POC1A: variants seen among roughly 807,000 people sequenced by gnomAD.
The protein encoded by POC1A is POC1 centriolar protein homolog A.
In POC1A, 34 loss-of-function variants were observed where a neutral mutation model predicts 47.8. That is an observed-to-expected ratio of 0.71 (90% CI 0.54 to 0.95). The LOEUF (loss-of-function observed/expected upper bound fraction) is 0.95, where lower values mean the gene tolerates loss of function less well. POC1A is among the 40% of genes least tolerant of loss of function. The pLI is 0.00. For missense variants in POC1A, 466 were observed against 528.3 expected (o/e 0.88, Z 1.16); for synonymous variants, 177 against 207.6 (o/e 0.85, Z 1.27).
intron 8 of POC1A, among the ~76,000 whole-genome samples, chr3:52,124,109 G>A (rs1413253505): frequency 6.6e-6 from 1 of 152,220 alleles, no homozygotes; most frequent in East Asian, 1.9e-4. Context: ...AGGCCAATAG[G>A]ACTTTTCTAG....
chr3:52,132,034 G>A (rs1256613903), intron 7 of POC1A, among the ~76,000 whole-genome samples: 2 of 152,104 alleles, frequency 1.3e-5, no homozygotes, highest in Admixed American at 6.5e-5. Flanking sequence ...CACCTAAAAC[G>A]GCATGACATC....
In POC1A at chr3:52,147,543, C is replaced by T. The variant is rs186166495; in HGVS notation, c.456-448G>A. Among the ~76,000 whole-genome samples the T allele has an allele frequency of 6.9e-3, 1,044 of 152,154 alleles. 15 individuals carry two copies. The highest frequency in any genetic ancestry group is 0.024 in the African/African-American group (994 of 41,472). ...CTACCTCCTGGGCTCAAGAGATCCT[C>T]CCACCTAAGCCTCCTGAGCAGCTGG... On this transcript the variant is annotated intron_variant, in intron 4 of 10. Coordinates refer to ENST00000296484, the MANE Select transcript of POC1A (RefSeq NM_015426.5).
chr3:52,082,375 C>T (rs768549116), intron 10 of POC1A, among the ~76,000 whole-genome samples: 2 of 152,100 alleles, frequency 1.3e-5, no homozygotes, highest in African/African-American at 4.8e-5. Context: ...GGGAGGATGC[C>T]GAGATGCTGG....
intron 7 of POC1A, among the ~76,000 whole-genome samples, chr3:52,129,042 G>A (rs1704115632): frequency 6.6e-6 from 1 of 152,176 alleles, no homozygotes; most frequent in Non-Finnish European, 1.5e-5. Flanking sequence ...TACTTTGGAA[G>A]GCTGAGGCGG....
chr3:52,141,415 C>G (rs1347321257), intron 6 of POC1A, among the ~76,000 whole-genome samples: 3 of 152,244 alleles, frequency 2.0e-5, no homozygotes, highest in Non-Finnish European at 4.4e-5. Flanking sequence ...TCATTTTCCC[C>G]AGGGTGGTCT....
intron 2 of POC1A, among the ~76,000 whole-genome samples, chr3:52,150,476 G>GC (rs1698521315): frequency 6.6e-6 from 1 of 152,136 alleles, no homozygotes; most frequent in Admixed American, 6.5e-5. Flanking sequence ...GGATGAAGGG[G>GC]CAAGCCTCCT....
At chr3:52,151,610 CAAAAAAAA>C (rs575884047) in intron 1 of POC1A, among the ~76,000 whole-genome samples, 1 of 55,834 alleles carries the variant, frequency 1.8e-5, no homozygotes, top group African/African-American at 6.1e-5. Context: ...GACTCCGTCT[CAAAAAAAA>C]AAAAAAAAAA....
At chr3:52,146,935 C>T (rs762461765) in intron 5 of POC1A, 53 bp downstream of exon 5, 2 of 1,445,882 alleles carry the variant, frequency 1.4e-6, no homozygotes, top group Non-Finnish European at 1.9e-6. Context: ...ATGCCCAGGT[C>T]TGTGCTCTGT....
intron 1 of POC1A, among the ~76,000 whole-genome samples, chr3:52,153,347 C>T (rs1171739807): frequency 6.6e-6 from 1 of 152,228 alleles, no homozygotes; most frequent in Admixed American, 6.5e-5. Flanking sequence ...AGCCCAAAGG[C>T]TCCTCCTGGG....
At chr3:52,091,539 G>A (rs6793051) in intron 10 of POC1A, among the ~76,000 whole-genome samples, 198 of 152,264 alleles carry the variant, frequency 1.3e-3, no homozygotes, top group African/African-American at 4.5e-3. Context: ...GTGTCTATGT[G>A]CACCCCAGTG....
chr3:52,135,571 A>T (rs1331073781), intron 7 of POC1A, among the ~76,000 whole-genome samples: 1 of 152,058 alleles, frequency 6.6e-6, no homozygotes, highest in Non-Finnish European at 1.5e-5. Context: ...ATTCTGAATC[A>T]CTCCAAATCC....
rs149470965 is a variant in POC1A at position 52,151,874 on chromosome 3, A to T, written c.19-774T>A. ...ACAAGCTGCTCCCAAGATTCACATG[A>T]AAATGCAAGACACCCAGAAAAAAAA... On this transcript the variant is annotated intron_variant, in intron 1 of 10. Transcript: ENST00000296484. Among the ~76,000 whole-genome samples the T allele has an allele frequency of 7.3e-3, 1,114 of 152,074 alleles. 3 individuals are homozygous for T. The highest frequency in any genetic ancestry group is 0.025 in the South Asian group (123 of 4,830).
At chr3:52,135,378 G>GT (rs1306020663) in intron 7 of POC1A, among the ~76,000 whole-genome samples, 3 of 152,150 alleles carry the variant, frequency 2.0e-5, no homozygotes, top group Non-Finnish European at 4.4e-5. Flanking sequence ...AGCTGAATCT[G>GT]TTTTTTGGGG....
intron 6 of POC1A, among the ~76,000 whole-genome samples, chr3:52,141,462 G>C (rs1698191911): frequency 6.6e-6 from 1 of 152,218 alleles, no homozygotes; most frequent in African/African-American, 2.4e-5. Flanking sequence ...GTGACACGGT[G>C]GCTCTGGGTT....
chr3:52,127,705 T>C (rs1704061238), intron 7 of POC1A, among the ~76,000 whole-genome samples: 1 of 151,738 alleles, frequency 6.6e-6, no homozygotes, highest in Admixed American at 6.6e-5. Context: ...AAACCTTTTT[T>C]TTTTTTTTGA....
chr3:52,116,366 G>A (rs1455409351), intron 9 of POC1A, among the ~76,000 whole-genome samples: 3 of 152,184 alleles, frequency 2.0e-5, no homozygotes, highest in Non-Finnish European at 4.4e-5. Context: ...CCTTCGGCAC[G>A]GATGAGGCTC....
At chr3:52,152,233 T>A (rs987415050) in intron 1 of POC1A, among the ~76,000 whole-genome samples, 1 of 152,066 alleles carries the variant, frequency 6.6e-6, no homozygotes, top group South Asian at 2.1e-4. Context: ...TGTGATCACA[T>A]CACTGCACTC....
chr3:52,078,501 CTCTT>C (rs1702185300), intron 10 of POC1A, among the ~76,000 whole-genome samples: 2 of 142,582 alleles, frequency 1.4e-5, no homozygotes, highest in African/African-American at 5.1e-5. Context: ...ACATGGAAAT[CTCTT>C]TTTTTTTTTT....
At chr3:52,114,000 C>A (rs1223777052) in intron 9 of POC1A, among the ~76,000 whole-genome samples, 1 of 152,210 alleles carries the variant, frequency 6.6e-6, no homozygotes, top group Non-Finnish European at 1.5e-5. Context: ...GGATGCAATG[C>A]AGAATGCTGG....
Sources: allele counts gnomAD v4.1 joint callset (sites outside exome capture counted in the v4.1 genomes callset), GRCh38; gene constraint gnomAD v4.1.1; transcripts MANE v1.5; gene names NCBI Gene and HGNC (gene_info 2026-07-23, HGNC 2026-07-21).